The following RASGEF1C variants were observed in gnomAD, a reference collection of about 807,000 sequenced individuals.
RASGEF1C encodes ras-GEF domain-containing family member 1C.
RASGEF1C carries 27 observed loss-of-function variants against 58.1 expected under a neutral mutation model. The observed-to-expected ratio is 0.46, with a 90% CI of 0.34 to 0.64. RASGEF1C has a LOEUF of 0.64. Ranked by LOEUF, RASGEF1C falls within the 30% of genes least tolerant of loss-of-function variation. The pLI, the probability that RASGEF1C is intolerant of heterozygous loss-of-function variation, is 0.01. For missense variants in RASGEF1C, 502 were observed against 605.1 expected, an observed-to-expected ratio of 0.83 and a Z score of 1.79; for synonymous variants, 243 against 246.3, an observed-to-expected ratio of 0.99 and a Z score of 0.13.
chr5:180,185,697 A>G (rs1756023652), intron 1 of RASGEF1C, among the ~76,000 whole-genome samples: 1 of 152,198 alleles, frequency 6.6e-6, no homozygotes, highest in Non-Finnish European at 1.5e-5. Flanking sequence ...GATGACATGC[A>G]AAAATTATTC....
At chr5:180,152,605 C>T (rs1047130524) in intron 1 of RASGEF1C, among the ~76,000 whole-genome samples, 1 of 148,768 alleles carries the variant, frequency 6.7e-6, no homozygotes, top group African/African-American at 2.5e-5. Flanking sequence ...GGAGATATAC[C>T]TAACGTTAAA....
chr5:180,152,117 G>A (rs1264957831), intron 1 of RASGEF1C, among the ~76,000 whole-genome samples: 2 of 151,632 alleles, frequency 1.3e-5, no homozygotes, highest in Non-Finnish European at 2.9e-5. Flanking sequence ...TTACACTGTT[G>A]GTGGGACTGT....
intron 1 of RASGEF1C, among the ~76,000 whole-genome samples, chr5:180,138,506 C>A (rs1766525608): frequency 6.6e-6 from 1 of 152,164 alleles, no homozygotes; most frequent in Admixed American, 6.5e-5. Context: ...GGCTTTCTTT[C>A]CCCCTGGAGT....
At position 180,137,705 on chromosome 5, in the gene RASGEF1C, T is replaced by C. The variant is rs369758349; in HGVS notation, c.185A>G (p.Tyr62Cys). The part of the protein sequence containing the change: ...PTADYYPEKA[Y>C]IFTFLLSSRL... ...AGAGCTCAGCAGGAAGGTGAAGATG[T>C]AGGCTTTCTGGGGGACACACGAGAA... is the stretch of plus-strand genomic sequence containing the variant. Residue 62 changes from tyrosine to cysteine, a missense_variant, in exon 3 of 14, where the codon TAC becomes TGC. Physicochemically the swap from Tyr to Cys is radical, Grantham distance 194 (BLOSUM62 -2). Transcript: ENST00000361132. The surrounding 1 kb of genome is among the most constrained non-coding windows in gnomAD (Gnocchi z 4.1). 3 of 1,612,750 alleles carry C rather than the reference T, an allele frequency of 1.9e-6. No individual in the cohort carries two copies. The highest frequency in any genetic ancestry group is 2.5e-6 in the Non-Finnish European group (3 of 1,179,952).
intron 6 of RASGEF1C, among the ~76,000 whole-genome samples, chr5:180,122,206 C>T (rs1021626378): frequency 5.9e-5 from 9 of 152,206 alleles, no homozygotes; most frequent in Non-Finnish European, 1.0e-4. Flanking sequence ...CATTTCCCCC[C>T]GGGAGCGATG....
At chr5:180,141,765 A>G (rs1172155459) in intron 1 of RASGEF1C, among the ~76,000 whole-genome samples, 1 of 144,948 alleles carries the variant, frequency 6.9e-6, no homozygotes, top group Non-Finnish European at 1.5e-5. Flanking sequence ...GCTGGAGTGT[A>G]GTGGCACGAT....
At chr5:180,172,386 G>A (rs534478177) in intron 1 of RASGEF1C, among the ~76,000 whole-genome samples, 66 of 152,278 alleles carry the variant, frequency 4.3e-4, no homozygotes, top group Middle Eastern at 6.8e-3. Flanking sequence ...CTACTGCTGC[G>A]TGTGTTCCCC....
intron 1 of RASGEF1C, among the ~76,000 whole-genome samples, chr5:180,164,403 G>A (rs1053723313): frequency 6.6e-6 from 1 of 152,102 alleles, no homozygotes; most frequent in South Asian, 2.1e-4. Flanking sequence ...AGAGATAATT[G>A]TATCTATTTA....
At chr5:180,116,529 G>A (rs947254942) in intron 10 of RASGEF1C, among the ~76,000 whole-genome samples, 2 of 152,212 alleles carry the variant, frequency 1.3e-5, no homozygotes, top group African/African-American at 2.4e-5. Flanking sequence ...CCTCTCTCTG[G>A]AAGTTAGAGG....
At chr5:180,171,144 G>A (rs917042237) in intron 1 of RASGEF1C, among the ~76,000 whole-genome samples, 2 of 152,138 alleles carry the variant, frequency 1.3e-5, no homozygotes, top group Non-Finnish European at 2.9e-5. Context: ...GGACCCCCGA[G>A]GGCTTCACAT....
At chr5:180,176,778 G>C (rs540117320) in intron 1 of RASGEF1C, among the ~76,000 whole-genome samples, 7 of 152,170 alleles carry the variant, frequency 4.6e-5, no homozygotes, top group Admixed American at 6.5e-5. Flanking sequence ...GGATGGTCTC[G>C]ATCTCCTGAC....
At chr5:180,108,418 G>A (rs767913367) in intron 12 of RASGEF1C, among the ~76,000 whole-genome samples, 9 of 151,562 alleles carry the variant, frequency 5.9e-5, no homozygotes, top group Non-Finnish European at 1.2e-4. Context: ...AGCCAGGATG[G>A]TCTCGATCTC....
chr5:180,134,322 C>T (rs1766429099), intron 4 of RASGEF1C, among the ~76,000 whole-genome samples: 1 of 152,046 alleles, frequency 6.6e-6, no homozygotes, highest in African/African-American at 2.4e-5. Context: ...AGCCTGGTGA[C>T]AGACCTGTGC....
At chr5:180,180,886 C>G (rs1029772007) in intron 1 of RASGEF1C, among the ~76,000 whole-genome samples, 3 of 152,242 alleles carry the variant, frequency 2.0e-5, no homozygotes, top group Non-Finnish European at 4.4e-5. Flanking sequence ...TCTTCACCCA[C>G]TAACCCTTTA....
chr5:180,184,806 A>G (rs1756000635), intron 1 of RASGEF1C, among the ~76,000 whole-genome samples: 1 of 152,248 alleles, frequency 6.6e-6, no homozygotes. Context: ...GATAGTAAAG[A>G]AGGCCATTCC....
chr5:180,172,230 C>CCCTTTA (rs1767120503), intron 1 of RASGEF1C, among the ~76,000 whole-genome samples: 1 of 152,182 alleles, frequency 6.6e-6, no homozygotes, highest in African/African-American at 2.4e-5. Context: ...TGTCCCAAGC[C>CCCTTTA]TGCCTGAGCA....
chr5:180,143,587 C>T lies in RASGEF1C; in HGVS notation c.-6-5529G>A, dbSNP rs915668846. 1.3e-5 allele frequency among the ~76,000 whole-genome samples: 2 copies of T among 152,194 alleles called. No individual in the cohort carries two copies. Among genetic ancestry groups the T allele is most frequent in the South Asian group, 2.1e-4 (1 of 4,826 alleles). On this transcript the variant is annotated intron_variant, in intron 1 of 13. Transcript: ENST00000361132. This position sits in a 1 kb window ranked among gnomAD's most constrained non-coding sequence, Gnocchi z 4.3. ...AGCTCTGCTGTGCTCTGGGAGCTGG[C>T]GTGCTCAGACCTTCCTGGTGTAAAA...
intron 1 of RASGEF1C, among the ~76,000 whole-genome samples, chr5:180,174,596 GTGTGTGCACGCA>G (rs1561751542): frequency 2.1e-5 from 3 of 143,784 alleles, no homozygotes; most frequent in Non-Finnish European, 4.6e-5. Context: ...ACGTGTGTGT[GTGTGTGCACGCA>G]TGTGTGTGTC....
intron 1 of RASGEF1C, among the ~76,000 whole-genome samples, chr5:180,173,685 T>C (rs546358502): frequency 5.6e-4 from 85 of 150,754 alleles, no homozygotes; most frequent in South Asian, 4.1e-3. Context: ...GAGGCCAAGG[T>C]GGGCAGATCA....
Sources: gnomAD v4.1 joint callset for allele counts (sites outside exome capture counted in the v4.1 genomes callset) on GRCh38, gnomAD v4.1.1 for gene constraint, Gnocchi (gnomAD v3.1) non-coding constraint, MANE v1.5 for transcripts, NCBI Gene and HGNC (gene_info 2026-07-23, HGNC 2026-07-21) for gene names.